The following NCK2 variants were observed in gnomAD, a reference collection of about 807,000 sequenced individuals.
NCK2 encodes cytoplasmic protein NCK2.
Under a neutral mutation model 33.9 loss-of-function variants are expected in NCK2, and 16 were observed. The observed-to-expected ratio is 0.47, with a 90% CI of 0.32 to 0.72. NCK2 has a LOEUF of 0.72. Among genes scored for constraint, NCK2 ranks in the 30% least tolerant of loss-of-function variants. The pLI, the probability that NCK2 is intolerant of heterozygous loss-of-function variation, is 0.03. For synonymous variants in NCK2, 273 were observed against 239.9 expected (o/e 1.14, Z -1.27); for missense variants, 418 against 537.3 (o/e 0.78, Z 2.19).
intron 1 of NCK2, among the ~76,000 whole-genome samples, chr2:105,805,975 A>G (rs971038283): frequency 2.0e-5 from 3 of 152,038 alleles, no homozygotes; most frequent in Admixed American, 6.5e-5. Context: ...CGTACACCTT[A>G]TATACATAGC....
chr2:105,884,633 GACAA>G (rs1316486453), intron 4 of NCK2, among the ~76,000 whole-genome samples: 1 of 152,192 alleles, frequency 6.6e-6, no homozygotes, highest in East Asian at 1.9e-4. Flanking sequence ...TTTCAGGGAA[GACAA>G]ACATTGCCAC....
intron 1 of NCK2, among the ~76,000 whole-genome samples, chr2:105,769,275 AC>A (rs1476794264): frequency 2.0e-5 from 1 of 49,332 alleles, no homozygotes; most frequent in Non-Finnish European, 4.2e-5. Context: ...GCCCCGCCCC[AC>A]CCCTCCCCTC....
chr2:105,828,039 C>G (rs886603106), intron 2 of NCK2, among the ~76,000 whole-genome samples: 34 of 152,306 alleles, frequency 2.2e-4, no homozygotes, highest in Admixed American at 9.2e-4. Context: ...CAAGGGACCA[C>G]TCTGCACACC....
At chr2:105,853,025 T>C in intron 2 of NCK2, among the ~76,000 whole-genome samples, 1 of 152,268 alleles carries the variant, frequency 6.6e-6, no homozygotes, top group Middle Eastern at 3.4e-3. Flanking sequence ...TAGTAGAAAA[T>C]ATGTTATTTA....
chr2:105,745,531 C>T (rs1689252659), intron 1 of NCK2, among the ~76,000 whole-genome samples: 2 of 152,220 alleles, frequency 1.3e-5, no homozygotes, highest in East Asian at 1.9e-4. Flanking sequence ...GAGCTCGGGG[C>T]TAGCGTGGGA....
intron 2 of NCK2, among the ~76,000 whole-genome samples, chr2:105,817,164 A>G (rs183794264): frequency 9.2e-6 from 1 of 108,442 alleles, no homozygotes; most frequent in East Asian, 2.8e-4. Flanking sequence ...CAACACGGCA[A>G]GACTTGGTCT....
At chr2:105,860,275 G>C (rs1290062506) in intron 3 of NCK2, among the ~76,000 whole-genome samples, 2 of 152,052 alleles carry the variant, frequency 1.3e-5, no homozygotes, top group African/African-American at 4.8e-5. Context: ...CACAGAGTGA[G>C]ACCCTGTCTC....
At chr2:105,873,995 G>A (rs80286292) in intron 3 of NCK2, among the ~76,000 whole-genome samples, 4,268 of 152,294 alleles carry the variant, frequency 0.028, 206 homozygotes, top group African/African-American at 0.095. Flanking sequence ...CAGCAAAGGC[G>A]GGGGAAGGCT....
chr2:105,819,044 A>G (rs1209248320), intron 2 of NCK2, among the ~76,000 whole-genome samples: 1 of 152,124 alleles, frequency 6.6e-6, no homozygotes, highest in Non-Finnish European at 1.5e-5. Context: ...TTTGGAGAAA[A>G]TGCCATATTG....
intron 3 of NCK2, among the ~76,000 whole-genome samples, chr2:105,874,348 T>C (rs1186562114): frequency 6.6e-6 from 1 of 152,236 alleles, no homozygotes; most frequent in Admixed American, 6.5e-5. Context: ...TGTACTTTGG[T>C]CACTTTATAC....
At chr2:105,789,156 T>G (rs1211412092) in intron 1 of NCK2, among the ~76,000 whole-genome samples, 2 of 152,144 alleles carry the variant, frequency 1.3e-5, no homozygotes, top group African/African-American at 4.8e-5. Flanking sequence ...GAGGCCAGGT[T>G]TGCAGTTAGA....
At chr2:105,809,473 A>G (rs1474457814) in intron 1 of NCK2, among the ~76,000 whole-genome samples, 1 of 152,068 alleles carries the variant, frequency 6.6e-6, no homozygotes, top group East Asian at 1.9e-4. Context: ...TGTCTTCATA[A>G]GGTCTTTTCA....
At chr2:105,769,614 G>T (rs1364582927) in intron 1 of NCK2, among the ~76,000 whole-genome samples, 1 of 152,162 alleles carries the variant, frequency 6.6e-6, no homozygotes, top group African/African-American at 2.4e-5. Context: ...GTGACCTACT[G>T]CACTGCCCAC....
Position 105,835,388 on chromosome 2 carries a change from C to CGTATATATATATATATATATAT in NCK2, c.-17+18775_-17+18776insGTATATATATATATATATATAT. Among the ~76,000 whole-genome samples, 29 of 52,098 alleles carry CGTATATATATATATATATATAT rather than the reference C, an allele frequency of 5.6e-4. 3 individuals are homozygous for CGTATATATATATATATATATAT. The highest frequency in any genetic ancestry group is 3.6e-3 in the South Asian group (5 of 1,382). The allele number at this position is 52,098 out of a possible 152,430, so 34.2% of individuals were successfully genotyped here. On this transcript the variant is annotated intron_variant, in intron 2 of 4. Transcript: ENST00000233154. ...TTATATATATATACATATATATACACATATATATATATATATACGTGTATA... is the reference window on the plus strand; with the variant it reads ...TTATATATATATACATATATATACACGTATATATATATATATATATATATATATATATATATATACGTGTATA...
intron 1 of NCK2, among the ~76,000 whole-genome samples, chr2:105,791,176 G>C (rs896589681): frequency 6.6e-6 from 1 of 152,226 alleles, no homozygotes; most frequent in Admixed American, 6.5e-5. Flanking sequence ...TAAATGAAGA[G>C]GTGACAGCGG....
chr2:105,784,016 C>G (rs991229789), intron 1 of NCK2, among the ~76,000 whole-genome samples: 3 of 152,248 alleles, frequency 2.0e-5, no homozygotes, highest in African/African-American at 7.2e-5. Context: ...AGCTGGACGG[C>G]AGGTCCCTTC....
intron 2 of NCK2, chr2:105,847,401 G>A (rs543228311): frequency 6.6e-6 from 1 of 152,120 alleles, no homozygotes; most frequent in Non-Finnish European, 1.5e-5. Flanking sequence ...AATGATGTGG[G>A]ATATTGTGTG....
At chr2:105,884,853 C>G (rs1360025219) in intron 4 of NCK2, among the ~76,000 whole-genome samples, 1 of 152,192 alleles carries the variant, frequency 6.6e-6, no homozygotes, top group East Asian at 1.9e-4. Flanking sequence ...TCCTTAGCAG[C>G]TAAAGGTGAT....
At chr2:105,804,278 G>T (rs111982296) in intron 1 of NCK2, among the ~76,000 whole-genome samples, 10 of 152,338 alleles carry the variant, frequency 6.6e-5, no homozygotes, top group African/African-American at 2.4e-4. Flanking sequence ...ACGGACCAGC[G>T]CTTTTCTTTG....
Sources: gnomAD v4.1 joint callset for allele counts (sites outside exome capture counted in the v4.1 genomes callset) on GRCh38, gnomAD v4.1.1 for gene constraint, MANE v1.5 for transcripts, NCBI Gene and HGNC (gene_info 2026-07-23, HGNC 2026-07-21) for gene names.